The following QKI variants were observed in gnomAD, a reference collection of about 807,000 sequenced individuals.
The protein encoded by QKI is QKI, KH domain containing RNA binding.
Under a neutral mutation model 39.0 loss-of-function variants are expected in QKI, and 10 were observed. The observed-to-expected ratio is 0.26, with a 90% CI of 0.16 to 0.43. The LOEUF is 0.43. QKI is among the 20% of genes least tolerant of loss of function. The pLI, the probability that QKI is intolerant of heterozygous loss-of-function variation, is 1.00. For missense variants in QKI, 218 were observed against 428.0 expected, an observed-to-expected ratio of 0.51 and a Z score of 4.33; for synonymous variants, 204 against 155.4, an observed-to-expected ratio of 1.31 and a Z score of -2.33.
chr6:163,473,314 A>G (rs926378991), intron 2 of QKI, among the ~76,000 whole-genome samples: 1 of 152,190 alleles, frequency 6.6e-6, no homozygotes, highest in Non-Finnish European at 1.5e-5. Context: ...ACACTGAGGC[A>G]TATCATTCTC....
chr6:163,492,147 G>C (rs1778094371), intron 3 of QKI, among the ~76,000 whole-genome samples: 1 of 152,096 alleles, frequency 6.6e-6, no homozygotes, highest in Non-Finnish European at 1.5e-5. Flanking sequence ...TGCAGCAATT[G>C]ATCTTTTCAA....
intron 3 of QKI, among the ~76,000 whole-genome samples, chr6:163,485,406 A>C (rs888254168): frequency 3.9e-5 from 6 of 152,224 alleles, no homozygotes; most frequent in African/African-American, 1.2e-4. Flanking sequence ...GTAAGCCATT[A>C]AAACAGAACA....
At chr6:163,534,860 G>T (rs549697286) in intron 3 of QKI, 122 bp from the exon 4 acceptor site, 1 of 777,852 alleles carries the variant, frequency 1.3e-6, no homozygotes, top group African/African-American at 1.8e-5. Flanking sequence ...TCAAAGACTT[G>T]TGCCATCATA....
chr6:163,501,562 T>G (rs1778766600), intron 3 of QKI, among the ~76,000 whole-genome samples: 1 of 152,184 alleles, frequency 6.6e-6, no homozygotes, highest in Admixed American at 6.5e-5. Flanking sequence ...AATATTAGCA[T>G]TATAGTCTTC....
Position 163,415,552 on chromosome 6 carries a change from C to T in QKI, c.142+217C>T, listed in dbSNP as rs930488855. 1.7e-3 allele frequency among the ~76,000 whole-genome samples: 265 copies of T among 151,618 alleles called. 1 individual carries two copies. Among genetic ancestry groups the T allele is most frequent in the Non-Finnish European group, 2.8e-3 (188 of 67,820 alleles). On this transcript the variant is annotated intron_variant, in intron 1 of 7. Coordinates refer to ENST00000361752, the MANE Select transcript of QKI (RefSeq NM_006775.3). ...CCGCCGGTGCCGGACGCCCCCTGCC[C>T]GGCCGGGACCCCGCGCCGCTGGCGT...
chr6:163,570,275 T>C, intron 7 of QKI: 1 of 982,686 alleles, frequency 1.0e-6, no homozygotes, highest in East Asian at 1.1e-4. Context: ...AATGCTTGCA[T>C]CTTAGAGAAT....
chr6:163,464,496 A>G (rs566078433), intron 2 of QKI, among the ~76,000 whole-genome samples: 4 of 152,296 alleles, frequency 2.6e-5, no homozygotes, highest in African/African-American at 9.6e-5. Context: ...GTCAAAATAC[A>G]TGAAGGAGAC....
At chr6:163,477,477 A>C (rs1792712959) in intron 2 of QKI, among the ~76,000 whole-genome samples, 2 of 152,202 alleles carry the variant, frequency 1.3e-5, no homozygotes, top group Admixed American at 1.3e-4. Flanking sequence ...AATTGGAAGT[A>C]CTTTGTTAAA....
At chr6:163,460,637 G>A (rs1428923349) in intron 2 of QKI, among the ~76,000 whole-genome samples, 1 of 151,994 alleles carries the variant, frequency 6.6e-6, no homozygotes, top group Non-Finnish European at 1.5e-5. Context: ...TGTTTTAGAG[G>A]GATTATGGGG....
At chr6:163,499,252 T>C (rs1438559200) in intron 3 of QKI, among the ~76,000 whole-genome samples, 4 of 152,206 alleles carry the variant, frequency 2.6e-5, no homozygotes, top group African/African-American at 2.4e-5. Context: ...ATTGAACTTA[T>C]TTGACTTCTA....
At chr6:163,427,892 G>A (rs549903536) in intron 1 of QKI, among the ~76,000 whole-genome samples, 1 of 152,166 alleles carries the variant, frequency 6.6e-6, no homozygotes, top group African/African-American at 2.4e-5. Context: ...ATGAAGTAGG[G>A]GAAACCTCAT....
At chr6:163,503,137 A>AT (rs57383986) in intron 3 of QKI, among the ~76,000 whole-genome samples, 59 of 99,984 alleles carry the variant, frequency 5.9e-4, no homozygotes, top group African/African-American at 1.4e-3. Flanking sequence ...GGCCCCTTGT[A>AT]TTTTTTTTTT....
intron 4 of QKI, among the ~76,000 whole-genome samples, chr6:163,556,503 CAAAAAAAAAA>C (rs61233361): frequency 1.2e-5 from 1 of 83,062 alleles, no homozygotes; most frequent in Admixed American, 1.5e-4. Context: ...AATTCCACCT[CAAAAAAAAAA>C]AAAAAAAAAA....
intron 2 of QKI, among the ~76,000 whole-genome samples, chr6:163,470,666 A>G (rs973178630): frequency 4.6e-5 from 7 of 152,176 alleles, no homozygotes; most frequent in Non-Finnish European, 1.0e-4. Context: ...TAAGTTTTCA[A>G]TGTGGAAGGA....
At chr6:163,564,768 A>C in intron 6 of QKI, 1 of 1,612,706 alleles carries the variant, frequency 6.2e-7, no homozygotes, top group Admixed American at 1.7e-5. Context: ...GTCAATGTGG[A>C]ACAAACTGTT....
At chr6:163,532,152 C>T (rs561150624) in intron 3 of QKI, among the ~76,000 whole-genome samples, 40 of 152,208 alleles carry the variant, frequency 2.6e-4, no homozygotes, top group African/African-American at 9.4e-4. Flanking sequence ...GGCTTTTCTC[C>T]ATGTATAGAG....
intron 4 of QKI, among the ~76,000 whole-genome samples, chr6:163,543,438 T>G (rs1263684078): frequency 6.6e-6 from 1 of 152,068 alleles, no homozygotes; most frequent in South Asian, 2.1e-4. Context: ...GAAATCTGTC[T>G]GGGGACCCAG....
Position 163,489,565 on chromosome 6 carries a change from T to C in QKI, c.402+10669T>C, listed in dbSNP as rs182091477. On this transcript the variant is annotated intron_variant, in intron 3 of 7. Coordinates refer to ENST00000361752, the MANE Select transcript of QKI (RefSeq NM_006775.3). Reference sequence around the variant, plus strand: ...TCTGACTGAAGCAGTTTATAAATAATGGTTAGACTTACTTGAAATGGTACC... The same window carrying C: ...TCTGACTGAAGCAGTTTATAAATAACGGTTAGACTTACTTGAAATGGTACC... Among the ~76,000 whole-genome samples, 32 of 151,040 alleles carry C rather than the reference T, an allele frequency of 2.1e-4. No homozygotes were observed. The Middle Eastern group carries it at 0.014, about 65-fold the overall frequency.
chr6:163,516,410 T>A (rs1779803278), intron 3 of QKI, among the ~76,000 whole-genome samples: 1 of 152,142 alleles, frequency 6.6e-6, no homozygotes. Context: ...TTCTCCTGCC[T>A]CAGCCTCCCA....
Sources: gnomAD v4.1 joint callset for allele counts (sites outside exome capture counted in the v4.1 genomes callset) on GRCh38, gnomAD v4.1.1 for gene constraint, MANE v1.5 for transcripts, NCBI Gene and HGNC (gene_info 2026-07-23, HGNC 2026-07-21) for gene names.